GUCY1A2: variants seen among roughly 807,000 people sequenced by gnomAD.
The protein encoded by GUCY1A2 is guanylate cyclase 1 soluble subunit alpha 2, also known as guanylate cyclase soluble subunit alpha-2.
GUCY1A2 carries 27 observed loss-of-function variants against 63.5 expected under a neutral mutation model. The observed-to-expected ratio is 0.43, with a 90% CI of 0.31 to 0.59. GUCY1A2 has a LOEUF of 0.59. GUCY1A2 is among the 20% of genes least tolerant of loss of function. The pLI, the probability that GUCY1A2 is intolerant of heterozygous loss-of-function variation, is 0.11. For synonymous variants in GUCY1A2, 364 were observed against 343.5 expected, an observed-to-expected ratio of 1.06 and a Z score of -0.66; for missense variants, 768 against 913.3, an observed-to-expected ratio of 0.84 and a Z score of 2.05.
At chr11:106,708,016 C>A (rs1326584168) in intron 7 of GUCY1A2, among the ~76,000 whole-genome samples, 3 of 151,708 alleles carry the variant, frequency 2.0e-5, no homozygotes, top group African/African-American at 4.8e-5. Context: ...ACAAATATTC[C>A]AAAACTCAAA....
intron 5 of GUCY1A2, among the ~76,000 whole-genome samples, chr11:106,784,380 G>C (rs960059523): frequency 3.3e-5 from 5 of 152,068 alleles, no homozygotes; most frequent in African/African-American, 1.2e-4. Context: ...AGAAAACTAA[G>C]TCATCACAGG....
At chr11:106,876,713 C>G (rs1265421866) in intron 4 of GUCY1A2, among the ~76,000 whole-genome samples, 1 of 152,066 alleles carries the variant, frequency 6.6e-6, no homozygotes, top group Non-Finnish European at 1.5e-5. Flanking sequence ...GCTTAGCAAT[C>G]CTGTTTGCCA....
At chr11:106,761,644 C>T (rs11824629) in intron 6 of GUCY1A2, among the ~76,000 whole-genome samples, 23,159 of 152,056 alleles carry the variant, frequency 0.15, 3,254 homozygotes, top group African/African-American at 0.38. Flanking sequence ...CAGTGTAAAA[C>T]AGGAATTAGT....
At chr11:106,748,877 T>C (rs1191177947) in intron 6 of GUCY1A2, among the ~76,000 whole-genome samples, 2 of 152,050 alleles carry the variant, frequency 1.3e-5, no homozygotes, top group African/African-American at 2.4e-5. Flanking sequence ...TAGAACAGAA[T>C]AGAAAACATC....
At chr11:106,929,207 G>A (rs1860568966) in intron 4 of GUCY1A2, among the ~76,000 whole-genome samples, 1 of 152,058 alleles carries the variant, frequency 6.6e-6, no homozygotes, top group African/African-American at 2.4e-5. Context: ...GTAAATAAGT[G>A]GCTTTCTTAT....
chr11:106,826,921 G>C, intron 4 of GUCY1A2: 1 of 1,609,200 alleles, frequency 6.2e-7, no homozygotes, highest in South Asian at 1.1e-5. Context: ...ATGGAGAAAA[G>C]GTTCTATATT....
At chr11:106,784,687 T>C (rs1864526500) in intron 5 of GUCY1A2, among the ~76,000 whole-genome samples, 1 of 152,226 alleles carries the variant, frequency 6.6e-6, no homozygotes, top group South Asian at 2.1e-4. Context: ...AGATTTTTTT[T>C]AGTTTCTGTA....
chr11:107,010,320 G>A (rs1346526881), intron 1 of GUCY1A2, among the ~76,000 whole-genome samples: 1 of 152,140 alleles, frequency 6.6e-6, no homozygotes, highest in East Asian at 1.9e-4. Context: ...CCATCTCCTA[G>A]TAGTGCATTT....
At chr11:106,764,879 A>G (rs886557003) in intron 6 of GUCY1A2, among the ~76,000 whole-genome samples, 1 of 151,422 alleles carries the variant, frequency 6.6e-6, no homozygotes, top group African/African-American at 2.4e-5. Context: ...TTGGCTAGCT[A>G]CATAACCTTG....
In GUCY1A2 at chr11:106,687,578, T is replaced by C; in HGVS notation, c.2170A>G (p.Thr724Ala). Reference protein sequence around the residue: ...RIKKVSYNIGTMFLRETSL With the variant: ...RIKKVSYNIGAMFLRETSL ...AGGCTTGTCTCCCGGAGGAACATGGTGCCGATGTTGTAGGAAACCTTTTTT... is the reference window on the plus strand; with the variant it reads ...AGGCTTGTCTCCCGGAGGAACATGGCGCCGATGTTGTAGGAAACCTTTTTT... The change falls in exon 8 of 8, where the codon ACC becomes GCC. Residue 724 changes from threonine to alanine, a missense_variant. This residue lies in a region of GUCY1A2 where 150 missense variants were observed against 188.3 expected (regional missense o/e 0.80). Transcript: ENST00000526355. 1 of 1,613,840 alleles carries C rather than the reference T, an allele frequency of 6.2e-7. No homozygotes were observed. Among genetic ancestry groups the C allele is most frequent in the Non-Finnish European group, 8.5e-7 (1 of 1,179,806 alleles).
At chr11:106,739,861 C>G (rs1317529622) in intron 6 of GUCY1A2, among the ~76,000 whole-genome samples, 1 of 152,088 alleles carries the variant, frequency 6.6e-6, no homozygotes, top group Non-Finnish European at 1.5e-5. Flanking sequence ...AGCATGGGTA[C>G]AGGCGAGCTA....
At chr11:106,938,753 AC>A (rs1860712514) in intron 4 of GUCY1A2, among the ~76,000 whole-genome samples, 1 of 152,186 alleles carries the variant, frequency 6.6e-6, no homozygotes, top group Non-Finnish European at 1.5e-5. Flanking sequence ...GTTCATTTAA[AC>A]CCAAATATTT....
intron 6 of GUCY1A2, among the ~76,000 whole-genome samples, chr11:106,756,679 C>T (rs1565279650): frequency 6.6e-6 from 1 of 152,242 alleles, no homozygotes; most frequent in African/African-American, 2.4e-5. Context: ...TTAGCTCCCA[C>T]TCTCTTCTGG....
intron 4 of GUCY1A2, among the ~76,000 whole-genome samples, chr11:106,832,502 C>T (rs559708446): frequency 4.7e-4 from 72 of 152,154 alleles, no homozygotes; most frequent in African/African-American, 1.7e-3. Flanking sequence ...CCAGGGTCTA[C>T]GGCTCAGGAA....
intron 5 of GUCY1A2, among the ~76,000 whole-genome samples, chr11:106,801,880 A>T (rs1858608638): frequency 6.6e-6 from 1 of 152,200 alleles, no homozygotes; most frequent in Non-Finnish European, 1.5e-5. Context: ...ATAAAAATTT[A>T]AAAACACAGA....
chr11:106,680,036 G>A lies in GUCY1A2; in HGVS notation c.*7513C>T, dbSNP rs1862406963. The stretch of plus-strand genomic sequence containing the variant: ...AAATCATGTGGCTTCCATTAAACCA[G>A]AGGTGTTTGTTACGGAAATTGCCTC... On this transcript the variant is annotated 3_prime_UTR_variant, in exon 8 of 8. Transcript: ENST00000526355. 1 of 215,758 alleles carries A rather than the reference G, an allele frequency of 4.6e-6. No individual in the cohort carries two copies. 13.4% of individuals were successfully genotyped at this position (215,758 alleles called of 1,614,324 possible).
In GUCY1A2 at chr11:106,687,518, T is replaced by G. The variant is rs2135332781; in HGVS notation, c.*31A>C. ...GTGACCCATGTTCTGGGCTTGTGCTTTTTGGAGGAGTCTTTGATCTGTAGC... is the reference window on the plus strand; with the variant it reads ...GTGACCCATGTTCTGGGCTTGTGCTGTTTGGAGGAGTCTTTGATCTGTAGC... On this transcript the variant is annotated 3_prime_UTR_variant, in exon 8 of 8. Coordinates refer to ENST00000526355, the MANE Select transcript of GUCY1A2 (RefSeq NM_000855.3). 2.0e-6 allele frequency: 3 copies of G among 1,534,194 alleles called. No individual in the cohort carries two copies. The highest frequency in any genetic ancestry group is 1.4e-5 in the African/African-American group (1 of 73,284).
intron 6 of GUCY1A2, among the ~76,000 whole-genome samples, chr11:106,736,076 G>A (rs970313594): frequency 6.6e-6 from 1 of 151,942 alleles, no homozygotes; most frequent in Non-Finnish European, 1.5e-5. Flanking sequence ...CTCCCATTCT[G>A]TGGGTTGTAT....
chr11:106,866,594 G>A (rs1167786617), intron 4 of GUCY1A2, among the ~76,000 whole-genome samples: 1 of 151,946 alleles, frequency 6.6e-6, no homozygotes, highest in East Asian at 1.9e-4. Flanking sequence ...TGTTCAGTTA[G>A]CATTTTTGTA....
Sources: gnomAD v4.1 joint callset for allele counts (sites outside exome capture counted in the v4.1 genomes callset) on GRCh38, gnomAD v4.1.1 for gene constraint, gnomAD v4.1.1 regional missense constraint, MANE v1.5 for transcripts, NCBI Gene and HGNC (gene_info 2026-07-23, HGNC 2026-07-21) for gene names.